The following ZNF24 variants were observed in gnomAD, a reference collection of about 807,000 sequenced individuals.
ZNF24 encodes zinc finger protein 24, also known as retinoic acid suppression protein A.
ZNF24 carries 11 observed loss-of-function variants against 40.9 expected under a neutral mutation model. That is an observed-to-expected ratio of 0.27 (90% CI 0.17 to 0.45). The LOEUF (loss-of-function observed/expected upper bound fraction) is 0.45. ZNF24 is among the 20% of genes least tolerant of loss of function. The probability of loss-of-function intolerance (pLI) is 1.00; values close to 1 mark genes in which losing one functional copy is unlikely to be tolerated. For synonymous variants in ZNF24, 139 were observed against 154.7 expected (o/e 0.90, Z 0.75); for missense variants, 293 against 437.7 (o/e 0.67, Z 2.95).
chr18:35,342,145 A>C (rs1034847456), intron 1 of ZNF24, among the ~76,000 whole-genome samples: 3 of 152,116 alleles, frequency 2.0e-5, no homozygotes, highest in African/African-American at 7.2e-5. Context: ...GCAGTGAGCC[A>C]AGATCGCGCC....
intron 3 of ZNF24, chr18:35,338,151 C>G (rs2044929965): frequency 4.1e-6 from 4 of 986,014 alleles, no homozygotes; most frequent in Non-Finnish European, 4.8e-6. Context: ...TGTTCTTTTA[C>G]TTTGAGAAAG....
chr18:35,342,017 G>A (rs1361262785), intron 1 of ZNF24, among the ~76,000 whole-genome samples: 1 of 152,172 alleles, frequency 6.6e-6, no homozygotes, highest in Non-Finnish European at 1.5e-5. Flanking sequence ...CCAACATGGT[G>A]AAACCCTGTC....
chr18:35,344,215 C>A (rs2044996373), intron 1 of ZNF24, 145 bp downstream of exon 1: 1 of 152,622 alleles, frequency 6.6e-6, no homozygotes, highest in South Asian at 2.1e-4. Context: ...CCCACAACTG[C>A]TAGGCGCGGA....
At position 35,337,316 on chromosome 18, in the gene ZNF24, C is replaced by G. The variant is rs751583410; in HGVS notation, c.1023G>C (p.Gly341=). Residue 341 remains glycine (G), a synonymous_variant, in exon 4 of 4, where the codon GGG becomes GGC. Transcript: ENST00000261332. The part of the protein sequence containing the change: ...GEKPYECVQC[G]KSYSQSSNLF... ...GATTTGAGCTTTGACTATACGATTT[C>G]CCACACTGAACGCATTCATAAGGTT... is the stretch of plus-strand genomic sequence containing the variant. 8.7e-6 allele frequency: 14 copies of G among 1,610,028 alleles called. No homozygotes were observed. Among genetic ancestry groups the G allele is most frequent in the South Asian group, 1.1e-5 (1 of 90,508 alleles).
rs1339646283 is a variant in ZNF24 at position 35,333,935 on chromosome 18, G to C, written c.*3297C>G. 2 of 152,230 alleles carry C rather than the reference G, an allele frequency of 1.3e-5. No homozygotes were observed. Among genetic ancestry groups the C allele is most frequent in the African/African-American group, 4.8e-5 (2 of 41,416 alleles). 9.4% of individuals were successfully genotyped at this position (152,230 alleles called of 1,614,324 possible). A position where few individuals can be genotyped will look rare whatever the true frequency, so the allele number is the denominator to read the frequency against. On this transcript the variant is annotated 3_prime_UTR_variant, in exon 4 of 4. Coordinates refer to ENST00000261332, the MANE Select transcript of ZNF24 (RefSeq NM_006965.4). ...AAAAAGAACATCTTCAATGTGGGGG[G>C]AGAGGAGGCAAGTCTCAGTGTAGTG...
Position 35,336,586 on chromosome 18 carries a change from T to TA in ZNF24, c.*645dup, listed in dbSNP as rs1384281233. On this transcript the variant is annotated 3_prime_UTR_variant, in exon 4 of 4. Transcript: ENST00000261332. ...CTTTTGAATTTTCCTGCAGGCAAAATATAAATTCTTGATACATTTCAATTC... is the reference window on the plus strand; with the variant it reads ...CTTTTGAATTTTCCTGCAGGCAAAATAATAAATTCTTGATACATTTCAATTC... 1 of 152,198 alleles carries TA rather than the reference T, an allele frequency of 6.6e-6. No individual in the cohort carries two copies. Among genetic ancestry groups the TA allele is most frequent in the East Asian group, 1.9e-4 (1 of 5,192 alleles). 9.4% of individuals were successfully genotyped at this position (152,198 alleles called of 1,614,324 possible).
At position 35,340,255 on chromosome 18, in the gene ZNF24, A is replaced by C. The variant is rs769809099; in HGVS notation, c.396T>G (p.Ser132Arg). Residue 132 changes from serine (S) to arginine (R), a missense_variant, in exon 2 of 4, where the codon AGT becomes AGG. By Grantham distance (110) the Ser-to-Arg change is moderately radical (BLOSUM62 -1). Transcript: ENST00000261332. This position sits in a 1 kb window ranked among gnomAD's most constrained non-coding sequence, Gnocchi z 4.6. ...EAVTVLEDLE[S>R]ELDDPGQPVS... is the part of the protein sequence containing the mutation. Reference sequence around the variant, plus strand: ...CCGGTTGTCCAGGGTCATCAAGTTCACTCTCCAAATCCTCCAGCACTGTCA... The same window carrying C: ...CCGGTTGTCCAGGGTCATCAAGTTCCCTCTCCAAATCCTCCAGCACTGTCA... 6.2e-7 allele frequency: 1 copy of C among 1,613,224 alleles called. No homozygotes were observed. The highest frequency in any genetic ancestry group is 8.5e-7 in the Non-Finnish European group (1 of 1,179,330).
At chr18:35,341,982 G>A (rs1216844743) in intron 1 of ZNF24, among the ~76,000 whole-genome samples, 2 of 152,170 alleles carry the variant, frequency 1.3e-5, no homozygotes, top group Non-Finnish European at 2.9e-5. Flanking sequence ...CAGATCACGA[G>A]GTCAAGAGAT....
Position 35,335,487 on chromosome 18 carries a change from G to C in ZNF24, c.*1745C>G, listed in dbSNP as rs2044898075. 6.6e-6 allele frequency: 1 copy of C among 151,900 alleles called. No individual in the cohort carries two copies. The highest frequency in any genetic ancestry group is 1.5e-5 in the Non-Finnish European group (1 of 67,976). 9.4% of individuals were successfully genotyped at this position (151,900 alleles called of 1,614,324 possible). On this transcript the variant is annotated 3_prime_UTR_variant, in exon 4 of 4. Coordinates refer to ENST00000261332, the MANE Select transcript of ZNF24 (RefSeq NM_006965.4). The stretch of plus-strand genomic sequence containing the variant: ...GCATTTATTACTATGCTTTTTAATA[G>C]GCTCATGCAAAATCTCACCTTCCAT...
Position 35,340,245 on chromosome 18 carries a change from C to A in ZNF24, c.406G>T (p.Asp136Tyr). 2 of 1,612,898 alleles carry A rather than the reference C, an allele frequency of 1.2e-6. No homozygotes were observed. The highest frequency in any genetic ancestry group is 1.7e-6 in the Non-Finnish European group (2 of 1,178,946). The change falls in exon 2 of 4, where the codon GAC becomes TAC. Residue 136 changes from aspartate (D) to tyrosine (Y), a missense_variant. Transcript: ENST00000261332. The surrounding 1 kb of genome is among the most constrained non-coding windows in gnomAD (Gnocchi z 4.6). ...VLEDLESELD[D>Y]PGQPVSLRRR... Reference sequence around the variant, plus strand: ...AGCAGGCTCACCGGTTGTCCAGGGTCATCAAGTTCACTCTCCAAATCCTCC... The same window carrying A: ...AGCAGGCTCACCGGTTGTCCAGGGTAATCAAGTTCACTCTCCAAATCCTCC...
At chr18:35,339,290 C>G (rs2044942442) in intron 3 of ZNF24, among the ~76,000 whole-genome samples, 1 of 152,006 alleles carries the variant, frequency 6.6e-6, no homozygotes, top group Non-Finnish European at 1.5e-5. Context: ...GCTAAGGAGG[C>G]TTTTTTTGCA....
intron 3 of ZNF24, 198 bp from the exon 4 acceptor site, chr18:35,337,968 A>C (rs1412471115): frequency 1.2e-5 from 6 of 493,822 alleles, no homozygotes; most frequent in Non-Finnish European, 2.0e-5. Context: ...TATAAGGGAT[A>C]TCTGAATAAA....
At position 35,334,569 on chromosome 18, in the gene ZNF24, T is replaced by G. The variant is rs1242855136; in HGVS notation, c.*2663A>C. ...GAAGAAAAAACCAGCAAATGCTCAG[T>G]GGCTACTGGGCAGATATCAGCAATC... On this transcript the variant is annotated 3_prime_UTR_variant, in exon 4 of 4. Coordinates refer to ENST00000261332, the MANE Select transcript of ZNF24 (RefSeq NM_006965.4). 2 of 152,228 alleles carry G rather than the reference T, an allele frequency of 1.3e-5. No individual in the cohort carries two copies. The highest frequency in any genetic ancestry group is 2.9e-5 in the Non-Finnish European group (2 of 68,052). 9.4% of individuals were successfully genotyped at this position (152,228 alleles called of 1,614,324 possible).
Position 35,335,938 on chromosome 18 carries a change from C to G in ZNF24, c.*1294G>C, listed in dbSNP as rs142446324. ...AACTTCCAAATTGTGGTAAGAGTAT[C>G]GTGGACTCACCTCTGAACACTGGAG... On this transcript the variant is annotated 3_prime_UTR_variant, in exon 4 of 4. Transcript: ENST00000261332. 29 of 152,214 alleles carry G rather than the reference C, an allele frequency of 1.9e-4. No individual in the cohort carries two copies. Among genetic ancestry groups the G allele is most frequent in the African/African-American group, 7.0e-4 (29 of 41,540 alleles). 9.4% of individuals were successfully genotyped at this position (152,214 alleles called of 1,614,324 possible).
chr18:35,339,692 T>C (rs1030151925), intron 3 of ZNF24, 137 bp downstream of exon 3: 9 of 720,344 alleles, frequency 1.2e-5, no homozygotes, highest in Non-Finnish European at 1.9e-5. Flanking sequence ...GCCAGCAAAA[T>C]CAACTTAATC....
chr18:35,341,344 T>C (rs1354361903), intron 1 of ZNF24, among the ~76,000 whole-genome samples: 1 of 152,248 alleles, frequency 6.6e-6, no homozygotes, highest in East Asian at 1.9e-4. Flanking sequence ...GTGGTGATGC[T>C]GGTGTAAACA....
Position 35,337,642 on chromosome 18 carries a change from A to G in ZNF24, c.697T>C (p.Cys233Arg). ...CTTTCAAACCTGCCCTTGGGGAAACAGGTTTCTCCATATTTAAAAATTTGA... is the reference window on the plus strand; with the variant it reads ...CTTTCAAACCTGCCCTTGGGGAAACGGGTTTCTCCATATTTAAAAATTTGA... ...VPQIFKYGETCFPKGRFERKR... is the reference protein window; with the variant it reads ...VPQIFKYGETRFPKGRFERKR... The change falls in exon 4 of 4, where the codon TGT (cysteine) becomes CGT (arginine). Residue 233 changes from cysteine (C) to arginine (R), a missense_variant. Physicochemically the swap from Cys to Arg is radical, Grantham distance 180. Transcript: ENST00000261332. The G allele has an allele frequency of 2.5e-6, 4 of 1,614,106 alleles. No homozygotes were observed. Among genetic ancestry groups the G allele is most frequent in the Non-Finnish European group, 3.4e-6 (4 of 1,179,994 alleles).
chr18:35,339,114 A>C (rs181399641), intron 3 of ZNF24: 159 of 1,433,440 alleles, frequency 1.1e-4, no homozygotes, highest in Non-Finnish European at 1.4e-4. Flanking sequence ...AGTTCACATA[A>C]ACATGAGAAA....
rs143455009 is a variant in ZNF24, at chr18:35,339,866, C to T, written c.531G>A (p.Lys177=). 1.1e-5 allele frequency: 18 copies of T among 1,612,320 alleles called. No homozygotes were observed. The African/African-American group carries it at 2.0e-4, about 18-fold the overall frequency. ...SELDAVENQL[K]WASWELHSLR... ...GGGAATGGAGCTCCCAGGATGCCCA[C>T]TTGAGCTGGTTCTCCACAGCATCAA... The change falls in exon 3 of 4, where the codon AAG becomes AAA. Residue 177 remains lysine, a synonymous_variant. Transcript: ENST00000261332.
Sources: gnomAD v4.1 joint callset for allele counts (sites outside exome capture counted in the v4.1 genomes callset) on GRCh38, gnomAD v4.1.1 for gene constraint, Gnocchi (gnomAD v3.1) non-coding constraint, MANE v1.5 for transcripts, NCBI Gene and HGNC (gene_info 2026-07-23, HGNC 2026-07-21) for gene names.